The following RNF150 variants were observed in gnomAD, a reference collection of about 807,000 sequenced individuals.
RNF150 encodes the protein ring finger protein 150.
Under a neutral mutation model 39.3 loss-of-function variants are expected in RNF150, and 24 were observed. That is an observed-to-expected ratio of 0.61 (90% CI 0.44 to 0.86). The LOEUF (loss-of-function observed/expected upper bound fraction) is 0.86, where lower values mean the gene tolerates loss of function less well. Among genes scored for constraint, RNF150 ranks in the 40% least tolerant of loss-of-function variants. The pLI, the probability that RNF150 is intolerant of heterozygous loss-of-function variation, is 0.00. For missense variants in RNF150, 502 were observed against 587.8 expected (o/e 0.85, Z 1.51); for synonymous variants, 255 against 227.3 (o/e 1.12, Z -1.10).
intron 1 of RNF150, among the ~76,000 whole-genome samples, chr4:141,038,592 G>A (rs1209305062): frequency 1.3e-5 from 2 of 152,072 alleles, no homozygotes; most frequent in African/African-American, 4.8e-5. Flanking sequence ...TTGGGAGGGT[G>A]AGGTGGGAGG....
At chr4:141,000,852 A>G (rs1319896735) in intron 1 of RNF150, among the ~76,000 whole-genome samples, 2 of 152,246 alleles carry the variant, frequency 1.3e-5, no homozygotes, top group Non-Finnish European at 2.9e-5. Context: ...TCAACTTGCT[A>G]GAATCACAAA....
intron 6 of RNF150, among the ~76,000 whole-genome samples, chr4:140,895,196 T>G (rs1337495054): frequency 2.0e-5 from 3 of 152,226 alleles, no homozygotes; most frequent in Non-Finnish European, 2.9e-5. Flanking sequence ...TTTCTGAGAC[T>G]GTTTGAACAT....
intron 1 of RNF150, among the ~76,000 whole-genome samples, chr4:140,984,439 T>C (rs543994246): frequency 6.6e-6 from 1 of 152,246 alleles, no homozygotes; most frequent in South Asian, 2.1e-4. Context: ...TTAGGGCAGG[T>C]AGAATTGAAT....
chr4:140,962,050 ATCTCTCTCTCTCTCT>A (rs1235366736), intron 2 of RNF150, among the ~76,000 whole-genome samples: 1 of 122,880 alleles, frequency 8.1e-6, no homozygotes, highest in African/African-American at 2.8e-5. Flanking sequence ...TCTGATTAAC[ATCTCTCTCTCTCTCT>A]TCTCTCTCTC....
In RNF150 at chr4:141,132,067, C is replaced by T. The variant is rs1726905113; in HGVS notation, c.484+258G>A. On this transcript the variant is annotated intron_variant, in intron 1 of 6. Transcript: ENST00000515673. The surrounding 1 kb of genome is among the most constrained non-coding windows in gnomAD (Gnocchi z 4.9). ...TCCAGGTCCCCCTCGGAAAAGTTAGCCCGCCACGTTGAACCCCTGTCCAAG... is the reference window on the plus strand; with the variant it reads ...TCCAGGTCCCCCTCGGAAAAGTTAGTCCGCCACGTTGAACCCCTGTCCAAG... Among the ~76,000 whole-genome samples the T allele has an allele frequency of 6.6e-6, 1 of 152,166 alleles. No homozygotes were observed. Among genetic ancestry groups the T allele is most frequent in the South Asian group, 2.1e-4 (1 of 4,820 alleles).
Position 141,062,354 on chromosome 4 carries a change from T to C in RNF150, c.484+69971A>G, listed in dbSNP as rs925766569. On this transcript the variant is annotated intron_variant, in intron 1 of 6. Coordinates refer to ENST00000515673, the MANE Select transcript of RNF150 (RefSeq NM_020724.2). ...TATCTCTCATATATAGGTATGTATA[T>C]GTATATATATGTATGTGTATATATA... Among the ~76,000 whole-genome samples, 130 of 152,106 alleles carry C rather than the reference T, an allele frequency of 8.5e-4. 2 individuals are homozygous for C. The highest frequency in any genetic ancestry group is 8.5e-3 in the Admixed American group (130 of 15,266).
chr4:141,071,253 G>C (rs1231702206), intron 1 of RNF150, among the ~76,000 whole-genome samples: 1 of 122,862 alleles, frequency 8.1e-6, no homozygotes, highest in African/African-American at 3.0e-5. Context: ...GAGGGGGGAG[G>C]GATAGCATTG....
At chr4:141,099,280 G>A (rs1738917428) in intron 1 of RNF150, among the ~76,000 whole-genome samples, 1 of 152,108 alleles carries the variant, frequency 6.6e-6, no homozygotes, top group Non-Finnish European at 1.5e-5. Context: ...CACATCTAGA[G>A]CTTCAGGAAA....
intron 1 of RNF150, among the ~76,000 whole-genome samples, chr4:141,021,355 A>G (rs1735484502): frequency 6.6e-6 from 1 of 152,224 alleles, no homozygotes; most frequent in Non-Finnish European, 1.5e-5. Flanking sequence ...GGTCAAGGAG[A>G]GAATCTTTGT....
At chr4:140,895,336 G>T in intron 6 of RNF150, among the ~76,000 whole-genome samples, 1 of 152,144 alleles carries the variant, frequency 6.6e-6, no homozygotes, top group East Asian at 1.9e-4. Flanking sequence ...GACAGCCCTG[G>T]AAGTAGAAAA....
chr4:140,902,993 G>A (rs1268599910), intron 6 of RNF150, among the ~76,000 whole-genome samples: 1 of 152,186 alleles, frequency 6.6e-6, no homozygotes, highest in Admixed American at 6.5e-5. Context: ...GAGAAAGGTG[G>A]CGAGAAGGGC....
At chr4:140,949,464 T>C (rs1447095200) in intron 2 of RNF150, 92 bp from the exon 3 acceptor site, 3 of 1,058,784 alleles carry the variant, frequency 2.8e-6, no homozygotes, top group African/African-American at 3.1e-5. Context: ...CAGCTAGCTC[T>C]GAAATCATGC....
Position 141,023,420 on chromosome 4 carries a change from ATTTTTT to A in RNF150, c.485-55553_485-55548del, listed in dbSNP as rs70946790. Among the ~76,000 whole-genome samples, 157 of 149,252 alleles carry A rather than the reference ATTTTTT, an allele frequency of 1.1e-3. 3 individuals carry two copies. The highest frequency in any genetic ancestry group is 0.01 in the Admixed American group (156 of 14,918). On this transcript the variant is annotated intron_variant, in intron 1 of 6. Transcript: ENST00000515673. The stretch of plus-strand genomic sequence containing the variant: ...ACCACCACACCTAACTACTTTTCAT[ATTTTTT>A]TTTTTAAGTAGTTATGGGTTTCACT...
chr4:141,093,121 CT>C (rs1477943017), intron 1 of RNF150, among the ~76,000 whole-genome samples: 2 of 152,030 alleles, frequency 1.3e-5, no homozygotes, highest in African/African-American at 4.8e-5. Flanking sequence ...AATCCCAGCA[CT>C]TTGGGAGGCC....
chr4:141,096,020 A>C (rs1313996671), intron 1 of RNF150, among the ~76,000 whole-genome samples: 1 of 152,116 alleles, frequency 6.6e-6, no homozygotes, highest in Non-Finnish European at 1.5e-5. Flanking sequence ...AGTTAACAGC[A>C]GTTACCTACT....
At chr4:141,184,371 T>C (rs887832349) in intron 1 of RNF150, among the ~76,000 whole-genome samples, 2 of 152,200 alleles carry the variant, frequency 1.3e-5, no homozygotes, top group Non-Finnish European at 2.9e-5. Context: ...CTTGTAAATG[T>C]GTTTAAGTTC....
rs573579537 is a variant in RNF150, at chr4:141,001,082, T to C, written c.485-33209A>G. On this transcript the variant is annotated intron_variant, in intron 1 of 6. Coordinates refer to ENST00000515673, the MANE Select transcript of RNF150 (RefSeq NM_020724.2). Reference sequence around the variant, plus strand: ...GTTGGAGATGCACAGATTCAACACATTAAGATATAAGCCAGATATTTCCCA... The same window carrying C: ...GTTGGAGATGCACAGATTCAACACACTAAGATATAAGCCAGATATTTCCCA... Among the ~76,000 whole-genome samples the C allele has an allele frequency of 2.0e-5, 3 of 152,302 alleles. No individual in the cohort carries two copies. The South Asian group carries it at 6.2e-4, about 32-fold the overall frequency.
At chr4:141,044,784 C>CAT (rs1736505109) in intron 1 of RNF150, among the ~76,000 whole-genome samples, 1 of 135,762 alleles carries the variant, frequency 7.4e-6, no homozygotes, top group South Asian at 2.1e-4. Context: ...CACACACACG[C>CAT]ACACACACAC....
chr4:140,989,065 T>A (rs1223777036), intron 1 of RNF150, among the ~76,000 whole-genome samples: 1 of 152,104 alleles, frequency 6.6e-6, no homozygotes, highest in Non-Finnish European at 1.5e-5. Context: ...CTCCAGCAAA[T>A]GCTACCACAA....
Sources: gnomAD v4.1 joint callset for allele counts (sites outside exome capture counted in the v4.1 genomes callset) on GRCh38, gnomAD v4.1.1 for gene constraint, Gnocchi (gnomAD v3.1) non-coding constraint, MANE v1.5 for transcripts, NCBI Gene and HGNC (gene_info 2026-07-23, HGNC 2026-07-21) for gene names.